Variants in GLIS3 observed in about 807,000 individuals in gnomAD.
GLIS3 encodes zinc finger protein GLIS3.
Under a neutral mutation model 78.6 loss-of-function variants are expected in GLIS3, and 53 were observed. The ratio of observed to expected loss-of-function variants is 0.67; its 90% CI spans 0.54 to 0.85. The LOEUF (loss-of-function observed/expected upper bound fraction) is 0.85, where lower values mean the gene tolerates loss of function less well. Among genes scored for constraint, GLIS3 ranks in the 40% least tolerant of loss-of-function variants. The pLI, the probability that GLIS3 is intolerant of heterozygous loss-of-function variation, is 0.00. For missense variants in GLIS3, 1,703 were observed against 1,231.1 expected, an observed-to-expected ratio of 1.38 and a Z score of -5.74; for synonymous variants, 684 against 509.9, an observed-to-expected ratio of 1.34 and a Z score of -4.60.
intron 4 of GLIS3, among the ~76,000 whole-genome samples, chr9:4,027,682 T>C (rs1823460040): frequency 6.6e-6 from 1 of 152,234 alleles, no homozygotes; most frequent in African/African-American, 2.4e-5. Flanking sequence ...GATAAGCTCA[T>C]ACTGAAATCA....
chr9:3,980,087 G>A (rs1428369451), intron 4 of GLIS3, among the ~76,000 whole-genome samples: 1 of 152,148 alleles, frequency 6.6e-6, no homozygotes, highest in Non-Finnish European at 1.5e-5. Context: ...AGTTGGGAGA[G>A]ACCAGTTTCT....
At chr9:4,397,703 AGGAAGGCAGGGAGGGAGG>A in the GLIS3 span, among the ~76,000 whole-genome samples, 2 of 47,446 alleles carry the variant, frequency 4.2e-5, no homozygotes, top group African/African-American at 2.1e-4. Context: ...GGAGGGAGGG[AGGAAGGCAGGGAGGGAGG>A]GAGGGAGGGA....
intron 2 of GLIS3, among the ~76,000 whole-genome samples, chr9:4,273,690 G>A (rs1826730942): frequency 6.6e-6 from 1 of 152,062 alleles, no homozygotes; most frequent in Non-Finnish European, 1.5e-5. Flanking sequence ...GCCATTTTCT[G>A]TTCCACCATC....
At chr9:3,884,439 A>G (rs1464390037) in intron 7 of GLIS3, among the ~76,000 whole-genome samples, 2 of 152,168 alleles carry the variant, frequency 1.3e-5, no homozygotes, top group African/African-American at 4.8e-5. Flanking sequence ...CTTGTTTAAA[A>G]CTATGTGAGC....
At chr9:4,411,470 C>T in the GLIS3 span, among the ~76,000 whole-genome samples, 1 of 152,146 alleles carries the variant, frequency 6.6e-6, no homozygotes, top group Non-Finnish European at 1.5e-5. Context: ...AATCAATATG[C>T]AAATGTAGTA....
chr9:4,197,542 G>C (rs1455574184), intron 2 of GLIS3, among the ~76,000 whole-genome samples: 1 of 152,156 alleles, frequency 6.6e-6, no homozygotes, highest in Non-Finnish European at 1.5e-5. Flanking sequence ...CACATATCTG[G>C]GCATTTGGTG....
intron 4 of GLIS3, among the ~76,000 whole-genome samples, chr9:4,088,887 A>G (rs1829262659): frequency 1.3e-5 from 2 of 152,266 alleles, no homozygotes; most frequent in South Asian, 4.1e-4. Flanking sequence ...GCAGGATGCC[A>G]GTCCAAAGGG....
intron 4 of GLIS3, among the ~76,000 whole-genome samples, chr9:4,004,728 G>C (rs1406636776): frequency 1.3e-5 from 2 of 152,158 alleles, no homozygotes; most frequent in Non-Finnish European, 2.9e-5. Flanking sequence ...AACAGATGGA[G>C]ACTAACATTT....
At chr9:4,256,683 T>A (rs1403407828) in intron 2 of GLIS3, among the ~76,000 whole-genome samples, 1 of 152,220 alleles carries the variant, frequency 6.6e-6, no homozygotes, top group Non-Finnish European at 1.5e-5. Context: ...CACTTTATTG[T>A]AGACAAAAGT....
chr9:4,131,088 C>T (rs1832941209), intron 2 of GLIS3, among the ~76,000 whole-genome samples: 1 of 152,126 alleles, frequency 6.6e-6, no homozygotes. Flanking sequence ...TTGCATAGGA[C>T]CTATAGCCCC....
chr9:4,163,070 C>A (rs764458721), intron 2 of GLIS3, among the ~76,000 whole-genome samples: 1 of 152,104 alleles, frequency 6.6e-6, no homozygotes, highest in Non-Finnish European at 1.5e-5. Context: ...ATGCTAGGGA[C>A]TCTACACATG....
At chr9:4,028,287 G>A (rs1005725334) in intron 4 of GLIS3, among the ~76,000 whole-genome samples, 3 of 152,130 alleles carry the variant, frequency 2.0e-5, no homozygotes, top group Admixed American at 2.0e-4. Flanking sequence ...AAGATCAAAT[G>A]AGATCATGCA....
chr9:4,038,929 T>A (rs1015013157), intron 4 of GLIS3, among the ~76,000 whole-genome samples: 1 of 152,174 alleles, frequency 6.6e-6, no homozygotes, highest in African/African-American at 2.4e-5. Context: ...GGCAGTCTAA[T>A]TTCCCCAACT....
At chr9:4,352,222 C>A (rs10974489), upstream of GLIS3, among the ~76,000 whole-genome samples, 33,938 of 152,160 alleles carry the variant, frequency 0.22, 4,379 homozygotes, top group South Asian at 0.3. Flanking sequence ...AAAACTCAGG[C>A]GACACCCAGT....
At chr9:4,298,247 G>GC (rs964530999) in intron 1 of GLIS3, 11 of 307,158 alleles carry the variant, frequency 3.6e-5, no homozygotes, top group South Asian at 2.5e-4. Context: ...CCCCACGCCG[G>GC]CCCCCCGGTC....
the GLIS3 span, among the ~76,000 whole-genome samples, chr9:4,434,298 T>C: frequency 9.9e-5 from 15 of 152,258 alleles, no homozygotes; most frequent in Non-Finnish European, 2.2e-4. Flanking sequence ...GTAGAAGTAG[T>C]CTGTGGGAGT....
chr9:4,082,490 G>A (rs1326240831), intron 4 of GLIS3, among the ~76,000 whole-genome samples: 1 of 152,188 alleles, frequency 6.6e-6, no homozygotes, highest in African/African-American at 2.4e-5. Flanking sequence ...CAGGTCTTGA[G>A]GGAGAAGAAA....
At chr9:4,372,924 A>T in the GLIS3 span, among the ~76,000 whole-genome samples, 1 of 152,232 alleles carries the variant, frequency 6.6e-6, no homozygotes, top group Non-Finnish European at 1.5e-5. Context: ...TCTCAGGAAC[A>T]AGGAGAACGG....
At chr9:4,282,504 C>A (rs145407423) in intron 2 of GLIS3, among the ~76,000 whole-genome samples, 6 of 152,192 alleles carry the variant, frequency 3.9e-5, no homozygotes, top group Admixed American at 6.5e-5. Flanking sequence ...AACTGGGACA[C>A]TGGCTTTTTC....
Sources: allele counts gnomAD v4.1 joint callset (sites outside exome capture counted in the v4.1 genomes callset), GRCh38; gene constraint gnomAD v4.1.1; transcripts MANE v1.5; gene names NCBI Gene and HGNC (gene_info 2026-07-23, HGNC 2026-07-21).